Variants in LAT2 observed in about 807,000 individuals in gnomAD.
LAT2 encodes the protein linker for activation of T-cells family member 2.
In LAT2, 23 loss-of-function variants were observed where a neutral mutation model predicts 43.4. That is an observed-to-expected ratio of 0.53 (90% CI 0.38 to 0.75). LAT2 has a LOEUF of 0.75. Ranked by LOEUF, LAT2 falls within the 30% of genes least tolerant of loss-of-function variation. The pLI is 0.00. For synonymous variants in LAT2, 128 were observed against 123.2 expected (o/e 1.04, Z -0.26); for missense variants, 284 against 310.2 (o/e 0.92, Z 0.64).
rs1301006690 is a variant in LAT2, at chr7:74,224,075, C to T, written c.506C>T (p.Ala169Val). Reference protein sequence around the residue: ...LCRGDLSLSLALKTGPTSGLC... With the variant: ...LCRGDLSLSLVLKTGPTSGLC... The stretch of plus-strand genomic sequence containing the variant: ...AGAGGGGACCTCAGCCTGTCACTGG[C>T]CCTGAAGACTGGCCCCACTTCTGGT... The change falls in exon 12 of 14, where the codon GCC becomes GTC. Residue 169 changes from alanine (A) to valine (V), a missense_variant. Transcript: ENST00000460943. 6.2e-7 allele frequency: 1 copy of T among 1,614,036 alleles called. No individual in the cohort carries two copies. The highest frequency in any genetic ancestry group is 2.2e-5 in the East Asian group (1 of 44,900).
In LAT2 at chr7:74,215,987, G is replaced by A. The variant is rs782682395; in HGVS notation, c.12G>A (p.Gly4=). Residue 4 remains glycine (G), a synonymous_variant, in exon 3 of 14, where the codon GGG becomes GGA. Transcript: ENST00000460943. ...CACCAGGAGCCAACATGAGCTCGGG[G>A]ACTGAACTGCTGTGGCCCGGAGCAG... MSS[G]TELLWPGAAL... is the part of the protein sequence containing the mutation. 23 of 1,614,004 alleles carry A rather than the reference G, an allele frequency of 1.4e-5. No homozygotes were observed. Among genetic ancestry groups the A allele is most frequent in the Middle Eastern group, 1.6e-4 (1 of 6,084 alleles).
At chr7:74,228,485 A>AAAAC (rs200444313) in intron 13 of LAT2, among the ~76,000 whole-genome samples, 2 of 140,538 alleles carry the variant, frequency 1.4e-5, no homozygotes. Context: ...CAAAAACACA[A>AAAAC]AAACAAACAA....
chr7:74,226,918 G>A (rs1481300342), intron 13 of LAT2, among the ~76,000 whole-genome samples: 1 of 152,112 alleles, frequency 6.6e-6, no homozygotes, highest in African/African-American at 2.4e-5. Context: ...GCAAAGCCAG[G>A]GGCCAGGGAG....
chr7:74,227,653 C>A lies in LAT2; in HGVS notation c.*19-1291C>A, dbSNP rs550555725. Among the ~76,000 whole-genome samples, 3 of 152,262 alleles carry A rather than the reference C, an allele frequency of 2.0e-5. No homozygotes were observed. In the East Asian group the frequency reaches 5.8e-4, roughly 29 times the overall value. On this transcript the variant is annotated intron_variant, in intron 13 of 13. Coordinates refer to ENST00000460943, the MANE Select transcript of LAT2 (RefSeq NM_032464.3). ...GACCCAGGCACTGGTGCCATCTGGG[C>A]AAGGGGTGGCAGCAGTGGAGACAGG...
chr7:74,219,826 G>T (rs782605426), intron 5 of LAT2, 39 bp downstream of exon 5: 6 of 1,613,616 alleles, frequency 3.7e-6, no homozygotes, highest in Non-Finnish European at 3.4e-6. Flanking sequence ...CTCTGGGTTG[G>T]GGGTGTCCCT....
chr7:74,212,947 A>G (rs1237976098), intron 1 of LAT2, among the ~76,000 whole-genome samples: 4 of 152,174 alleles, frequency 2.6e-5, no homozygotes, highest in African/African-American at 9.7e-5. Flanking sequence ...ACAGAGGCTC[A>G]GGGCCGCATG....
rs1362845088 is a variant in LAT2, at chr7:74,220,381, C to T, written c.265+127C>T. ...CCAGGCGAGGCCTCCCCAGGAGAGA[C>T]ACACAGGCTGGGGCAGGGCAGGCTC... On this transcript the variant is annotated intron_variant, in intron 7 of 13. Coordinates refer to ENST00000460943, the MANE Select transcript of LAT2 (RefSeq NM_032464.3). The surrounding 1 kb of genome is among the most constrained non-coding windows in gnomAD (Gnocchi z 4.5). 5 of 1,277,128 alleles carry T rather than the reference C, an allele frequency of 3.9e-6. No homozygotes were observed. Among genetic ancestry groups the T allele is most frequent in the Admixed American group, 1.9e-5 (1 of 52,084 alleles). The allele number at this position is 1,277,128 out of a possible 1,614,324, so 79.1% of individuals were successfully genotyped here.
chr7:74,223,710 T>C lies in LAT2; in HGVS notation c.389-14T>C, dbSNP rs991767326. ...CTGCCCACACCCCCGTGCCCACTCC[T>C]CTCTCTCCTGCAGATGATGATGCCA... On this transcript the variant is annotated splice_polypyrimidine_tract_variant and intron_variant, in intron 10 of 13. Coordinates refer to ENST00000460943, the MANE Select transcript of LAT2 (RefSeq NM_032464.3). 3.7e-6 allele frequency: 6 copies of C among 1,613,166 alleles called. No homozygotes were observed. Among genetic ancestry groups the C allele is most frequent in the South Asian group, 1.1e-5 (1 of 91,064 alleles).
intron 4 of LAT2, among the ~76,000 whole-genome samples, chr7:74,217,536 G>T (rs782207028): frequency 4.6e-5 from 7 of 152,218 alleles, no homozygotes; most frequent in Non-Finnish European, 8.8e-5. Context: ...CTCTCCCCTT[G>T]CAATGCAAGA....
intron 13 of LAT2, chr7:74,224,974 G>A: frequency 4.6e-6 from 2 of 430,420 alleles, no homozygotes; most frequent in East Asian, 4.6e-5. Flanking sequence ...GGTGACTTCA[G>A]GGGCAAAGAA....
chr7:74,220,337 T>C lies in LAT2; in HGVS notation c.265+83T>C, dbSNP rs1802218769. ...CGAAAACCCCATGGGACAGGCGTCGTGCAGTGGGGGCTGCGGGGCCAGGCG... is the reference window on the plus strand; with the variant it reads ...CGAAAACCCCATGGGACAGGCGTCGCGCAGTGGGGGCTGCGGGGCCAGGCG... On this transcript the variant is annotated intron_variant, in intron 7 of 13. Transcript: ENST00000460943. The surrounding 1 kb of genome is among the most constrained non-coding windows in gnomAD (Gnocchi z 4.5). 6.7e-7 allele frequency: 1 copy of C among 1,482,990 alleles called. No individual in the cohort carries two copies. The highest frequency in any genetic ancestry group is 1.2e-5 in the South Asian group (1 of 82,532). The allele number at this position is 1,482,990 out of a possible 1,614,324, so 91.9% of individuals were successfully genotyped here.
chr7:74,210,551 A>G (rs6945064), intron 1 of LAT2, among the ~76,000 whole-genome samples: 8,239 of 151,256 alleles, frequency 0.054, 725 homozygotes, highest in African/African-American at 0.18. Context: ...CTGGCCCTCA[A>G]CTCTGTCCCT....
At chr7:74,214,002 G>A (rs1317088613) in intron 1 of LAT2, among the ~76,000 whole-genome samples, 2 of 144,388 alleles carry the variant, frequency 1.4e-5, no homozygotes, top group Non-Finnish European at 3.0e-5. Context: ...AGGCTGGAGT[G>A]CAGTAGCATG....
chr7:74,221,508 G>T (rs1488532031), intron 9 of LAT2, 129 bp from the exon 10 acceptor site: 2 of 564,652 alleles, frequency 3.5e-6, no homozygotes, highest in African/African-American at 1.9e-5. Context: ...AGGAGATCCT[G>T]GCAGACCCCC....
chr7:74,222,901 A>G (rs896901807), intron 10 of LAT2, among the ~76,000 whole-genome samples: 1 of 152,108 alleles, frequency 6.6e-6, no homozygotes, highest in South Asian at 2.1e-4. Context: ...TAGGACCCCC[A>G]ACATCACTGA....
At chr7:74,218,726 A>G (rs1222204666) in intron 4 of LAT2, among the ~76,000 whole-genome samples, 1 of 152,130 alleles carries the variant, frequency 6.6e-6, no homozygotes, top group Non-Finnish European at 1.5e-5. Context: ...ATGGAGCCAC[A>G]TTTACTTTTG....
At chr7:74,214,159 TATGA>T (rs1178214657) in intron 1 of LAT2, among the ~76,000 whole-genome samples, 5 of 105,264 alleles carry the variant, frequency 4.7e-5, no homozygotes, top group Non-Finnish European at 8.6e-5. Context: ...TAAATATATA[TATGA>T]AAATATATAT....
At chr7:74,215,556 T>G (rs1326639353) in intron 2 of LAT2, among the ~76,000 whole-genome samples, 3 of 152,192 alleles carry the variant, frequency 2.0e-5, no homozygotes, top group African/African-American at 7.2e-5. Context: ...CACTGGGGCC[T>G]GAATCCCATC....
intron 1 of LAT2, among the ~76,000 whole-genome samples, chr7:74,211,526 T>C (rs140869436): frequency 0.054 from 8,223 of 152,064 alleles, 717 homozygotes; most frequent in African/African-American, 0.18. Flanking sequence ...GGTGCAATCT[T>C]GGCTCACTGC....
Sources: allele counts gnomAD v4.1 joint callset (sites outside exome capture counted in the v4.1 genomes callset), GRCh38; gene constraint gnomAD v4.1.1; non-coding constraint Gnocchi (gnomAD v3.1); transcripts MANE v1.5; gene names NCBI Gene and HGNC (gene_info 2026-07-23, HGNC 2026-07-21).